ARHGEF26: variants seen among roughly 807,000 people sequenced by gnomAD.
The protein encoded by ARHGEF26 is Rho guanine nucleotide exchange factor 26.
Under a neutral mutation model 89.4 loss-of-function variants are expected in ARHGEF26, and 59 were observed. The ratio of observed to expected loss-of-function variants is 0.66; its 90% CI spans 0.54 to 0.82. The LOEUF (loss-of-function observed/expected upper bound fraction) is 0.82, where lower values mean the gene tolerates loss of function less well. ARHGEF26 is among the 40% of genes least tolerant of loss of function. The pLI, the probability that ARHGEF26 is intolerant of heterozygous loss-of-function variation, is 0.00. For missense variants in ARHGEF26, 1,234 were observed against 1,085.6 expected, an observed-to-expected ratio of 1.14 and a Z score of -1.92; for synonymous variants, 500 against 428.4, an observed-to-expected ratio of 1.17 and a Z score of -2.06.
chr3:154,209,966 G>T (rs1715264812), intron 9 of ARHGEF26, among the ~76,000 whole-genome samples: 1 of 152,176 alleles, frequency 6.6e-6, no homozygotes, highest in Non-Finnish European at 1.5e-5. Context: ...ACCACAAGAT[G>T]CAGTTCCTCC....
chr3:154,232,854 T>G (rs1716898867), intron 11 of ARHGEF26, among the ~76,000 whole-genome samples: 1 of 151,758 alleles, frequency 6.6e-6, no homozygotes, highest in Non-Finnish European at 1.5e-5. Context: ...TTTTTTTTTT[T>G]TGAGACGGAG....
chr3:154,245,501 T>A (rs1396588499), intron 12 of ARHGEF26, among the ~76,000 whole-genome samples: 1 of 152,250 alleles, frequency 6.6e-6, no homozygotes, highest in Non-Finnish European at 1.5e-5. Context: ...TTTTTCATAC[T>A]TCCTGGAATG....
At chr3:154,200,754 C>A (rs1245941781) in intron 9 of ARHGEF26, among the ~76,000 whole-genome samples, 2 of 151,168 alleles carry the variant, frequency 1.3e-5, no homozygotes, top group South Asian at 2.1e-4. Flanking sequence ...TTTTTAGTGT[C>A]TTCTTCAATT....
At chr3:154,143,160 A>G (rs1020957372) in intron 4 of ARHGEF26, among the ~76,000 whole-genome samples, 7 of 152,216 alleles carry the variant, frequency 4.6e-5, no homozygotes, top group Non-Finnish European at 1.0e-4. Flanking sequence ...AGACATGTTT[A>G]TTACAGAAAA....
At position 154,254,759 on chromosome 3, in the gene ARHGEF26, A is replaced by C. The variant is rs372176288; in HGVS notation, c.2408A>C (p.Lys803Thr). The change falls in exon 14 of 15, where the codon AAG (lysine) becomes ACG (threonine). Residue 803 changes from lysine to threonine, a missense_variant. Transcript: ENST00000465093. ...GAAATCGTTAGGTCATTTACTGCTA[A>C]GCAGCCAGATGAACTCTCCCTGCAG... The part of the protein sequence containing the change: ...QVEIVRSFTA[K>T]QPDELSLQVA... 2.5e-6 allele frequency: 4 copies of C among 1,613,780 alleles called. No homozygotes were observed. Among genetic ancestry groups the C allele is most frequent in the Non-Finnish European group, 3.4e-6 (4 of 1,179,852 alleles).
intron 10 of ARHGEF26, 21 bp from the exon 11 acceptor site, chr3:154,225,835 T>C: frequency 6.3e-7 from 1 of 1,577,928 alleles, no homozygotes; most frequent in South Asian, 1.2e-5. Context: ...CTTTGGTCAC[T>C]GGGTTTTTCT....
At chr3:154,190,512 C>G (rs1713889559) in intron 7 of ARHGEF26, among the ~76,000 whole-genome samples, 1 of 151,904 alleles carries the variant, frequency 6.6e-6, no homozygotes, top group African/African-American at 2.4e-5. Context: ...CATCTCAAAA[C>G]AAACAAACAA....
intron 9 of ARHGEF26, among the ~76,000 whole-genome samples, chr3:154,203,597 C>T (rs966055542): frequency 6.6e-6 from 1 of 152,116 alleles, no homozygotes; most frequent in Non-Finnish European, 1.5e-5. Flanking sequence ...TTTCTCCATT[C>T]AGTTGATACT....
chr3:154,191,193 A>G (rs1713932372), intron 7 of ARHGEF26, 96 bp from the exon 8 acceptor site: 2 of 1,311,092 alleles, frequency 1.5e-6, no homozygotes, highest in Admixed American at 2.4e-5. Flanking sequence ...TTGATGCTAT[A>G]TGGATTTATC....
chr3:154,138,439 T>C (rs1016758801), intron 4 of ARHGEF26, among the ~76,000 whole-genome samples: 1 of 152,184 alleles, frequency 6.6e-6, no homozygotes, highest in Non-Finnish European at 1.5e-5. Context: ...CCTAAAAATA[T>C]AGACAGAGAT....
intron 7 of ARHGEF26, among the ~76,000 whole-genome samples, chr3:154,188,632 C>A (rs1028297972): frequency 5.9e-5 from 9 of 152,084 alleles, no homozygotes; most frequent in African/African-American, 2.2e-4. Context: ...TCGTTCTCAC[C>A]CCCTCCTGTG....
At chr3:154,151,647 G>T (rs1720031492) in intron 5 of ARHGEF26, among the ~76,000 whole-genome samples, 2 of 152,148 alleles carry the variant, frequency 1.3e-5, no homozygotes, top group Non-Finnish European at 2.9e-5. Flanking sequence ...TACAACTGAG[G>T]CTAGATTAGC....
chr3:154,186,136 G>GACAAACAC (rs1553743944), intron 6 of ARHGEF26, among the ~76,000 whole-genome samples: 2 of 146,930 alleles, frequency 1.4e-5, no homozygotes, highest in Admixed American at 6.8e-5. Context: ...CACACACTTA[G>GACAAACAC]ACACACACAC....
intron 10 of ARHGEF26, among the ~76,000 whole-genome samples, chr3:154,223,685 G>C (rs1716281394): frequency 6.6e-6 from 1 of 152,136 alleles, no homozygotes; most frequent in Non-Finnish European, 1.5e-5. Flanking sequence ...CAGATGCTTG[G>C]GGGAGGAAGA....
At chr3:154,190,902 C>T (rs1488861975) in intron 7 of ARHGEF26, among the ~76,000 whole-genome samples, 1 of 152,076 alleles carries the variant, frequency 6.6e-6, no homozygotes, top group Non-Finnish European at 1.5e-5. Flanking sequence ...TATTTATGAT[C>T]TTATTAATGA....
chr3:154,194,785 G>A, intron 9 of ARHGEF26, 67 bp downstream of exon 9: 2 of 1,380,358 alleles, frequency 1.4e-6, no homozygotes, highest in South Asian at 1.2e-5. Context: ...CACAAAGTGT[G>A]TCTTGGCTTG....
intron 6 of ARHGEF26, among the ~76,000 whole-genome samples, chr3:154,158,317 C>T (rs187082151): frequency 6.6e-6 from 1 of 152,270 alleles, no homozygotes; most frequent in Admixed American, 6.5e-5. Flanking sequence ...AAAGGGTTTG[C>T]CTCTCTTATT....
At chr3:154,224,204 T>G (rs1394639369) in intron 10 of ARHGEF26, among the ~76,000 whole-genome samples, 1 of 152,220 alleles carries the variant, frequency 6.6e-6, no homozygotes, top group Non-Finnish European at 1.5e-5. Flanking sequence ...ATCTCTTCTT[T>G]AATAAAACCT....
At chr3:154,128,375 C>G (rs774841123) in intron 3 of ARHGEF26, among the ~76,000 whole-genome samples, 28 of 152,014 alleles carry the variant, frequency 1.8e-4, no homozygotes, top group Non-Finnish European at 4.1e-4. Context: ...GTAGCTGGGA[C>G]CACAGGGGTG....
Sources: gnomAD v4.1 joint callset for allele counts (sites outside exome capture counted in the v4.1 genomes callset) on GRCh38, gnomAD v4.1.1 for gene constraint, MANE v1.5 for transcripts, NCBI Gene and HGNC (gene_info 2026-07-23, HGNC 2026-07-21) for gene names.